The following ZNF574 variants were observed in gnomAD, a reference collection of about 807,000 sequenced individuals.
ZNF574 encodes the protein zinc finger protein 574.
Under a neutral mutation model 56.6 loss-of-function variants are expected in ZNF574, and 25 were observed. That is an observed-to-expected ratio of 0.44 (90% confidence interval 0.32 to 0.62). The LOEUF is 0.62. ZNF574 is among the 20% of genes least tolerant of loss of function. The pLI, the probability that ZNF574 is intolerant of heterozygous loss-of-function variation, is 0.04. For synonymous variants in ZNF574, 543 were observed against 492.1 expected, an observed-to-expected ratio of 1.10 and a Z score of -1.37; for missense variants, 1,065 against 1,218.9, an observed-to-expected ratio of 0.87 and a Z score of 1.88.
At chr19:42,076,852 T>G (rs1436924759) in intron 1 of ZNF574, among the ~76,000 whole-genome samples, 1 of 151,996 alleles carries the variant, frequency 6.6e-6, no homozygotes, top group African/African-American at 2.4e-5. Context: ...TTGTAATGGA[T>G]GGGGTTAAAT....
At position 42,079,697 on chromosome 19, in the gene ZNF574, TC is replaced by T; in HGVS notation, c.1093del (p.Leu365CysfsTer3). ...HLGDHSSESHFLCVDCGLAFG... is the reference protein window; with the variant it reads ...HLGDHSSESHXLCVDCGLAFG... The stretch of plus-strand genomic sequence containing the variant: ...GGAGACCATAGCAGCGAGTCACACT[TC>T]CTGTGTGTAGACTGTGGCCTGGCCT... On this transcript the variant is annotated frameshift_variant, in exon 2 of 2. Transcript: ENST00000359044. LOFTEE classifies it high-confidence loss of function. The surrounding 1 kb of genome is among the most constrained non-coding windows in gnomAD (Gnocchi z 4.3). The T allele has an allele frequency of 6.2e-7, 1 of 1,614,088 alleles. No homozygotes were observed. The highest frequency in any genetic ancestry group is 8.5e-7 in the Non-Finnish European group (1 of 1,180,022).
At position 42,080,396 on chromosome 19, in the gene ZNF574, A is replaced by G. The variant is rs754492215; in HGVS notation, c.1790A>G (p.His597Arg). Residue 597 changes from histidine (H) to arginine (R), a missense_variant, in exon 2 of 2, where the codon CAC becomes CGC. By Grantham distance (29) the His-to-Arg change is conservative. Transcript: ENST00000359044. The surrounding 1 kb of genome is among the most constrained non-coding windows in gnomAD (Gnocchi z 8.5). ...RFHRPYRLLM[H>R]RYHHTGEYPY... ...CACCGTCCTTACCGCCTGCTCATGC[A>G]CCGCTACCATCACACAGGTGAATAC... 6.2e-7 allele frequency: 1 copy of G among 1,614,186 alleles called. No individual in the cohort carries two copies. Among genetic ancestry groups the G allele is most frequent in the Non-Finnish European group, 8.5e-7 (1 of 1,180,024 alleles).
At chr19:42,076,965 G>C (rs2076460667) in intron 1 of ZNF574, among the ~76,000 whole-genome samples, 1 of 152,134 alleles carries the variant, frequency 6.6e-6, no homozygotes, top group Non-Finnish European at 1.5e-5. Context: ...ATTTTAAAAG[G>C]GTGTCTGGGT....
In ZNF574 at chr19:42,079,014, C is replaced by G; in HGVS notation, c.408C>G (p.Ala136=). The G allele has an allele frequency of 6.2e-7, 1 of 1,614,158 alleles. No individual in the cohort carries two copies. The highest frequency in any genetic ancestry group is 8.5e-7 in the Non-Finnish European group (1 of 1,180,016). Residue 136 remains alanine, a synonymous_variant, in exon 2 of 2, where the codon GCC becomes GCG. Coordinates refer to ENST00000359044, the MANE Select transcript of ZNF574 (RefSeq NM_022752.6). This position sits in a 1 kb window ranked among gnomAD's most constrained non-coding sequence, Gnocchi z 4.3. The part of the protein sequence containing the change: ...YECVDCKALF[A]SQELWLNHRQ... ...GTGTGGATTGCAAGGCTCTCTTTGCCAGCCAGGAGCTCTGGCTGAACCACC... is the reference window on the plus strand; with the variant it reads ...GTGTGGATTGCAAGGCTCTCTTTGCGAGCCAGGAGCTCTGGCTGAACCACC...
Position 42,078,829 on chromosome 19 carries a change from C to A in ZNF574, c.223C>A (p.Gln75Lys), listed in dbSNP as rs767951078. Residue 75 changes from glutamine to lysine, a missense_variant, in exon 2 of 2, where the codon CAG (glutamine) becomes AAG (lysine). Gln to Lys is a moderately conservative substitution (Grantham distance 53). Transcript: ENST00000359044. ...GLYQTLVQES[Q>K]YQCLECGQLL... Reference sequence around the variant, plus strand: ...CTATCAGACCCTTGTGCAGGAGAGCCAGTACCAGTGCCTGGAGTGTGGTCA... The same window carrying A: ...CTATCAGACCCTTGTGCAGGAGAGCAAGTACCAGTGCCTGGAGTGTGGTCA... The A allele has an allele frequency of 6.2e-7, 1 of 1,614,066 alleles. No homozygotes were observed. Among genetic ancestry groups the A allele is most frequent in the Non-Finnish European group, 8.5e-7 (1 of 1,179,972 alleles).
Position 42,080,668 on chromosome 19 carries a change from G to T in ZNF574, c.2062G>T (p.Ala688Ser). Reference protein sequence around the residue: ...SAARLQAHEAAHAAAGPGEVL... With the variant: ...SAARLQAHEASHAAAGPGEVL... ...TGCTCGACTGCAGGCACACGAGGCGGCCCATGCAGCTGCTGGGCCTGGAGA... is the reference window on the plus strand; with the variant it reads ...TGCTCGACTGCAGGCACACGAGGCGTCCCATGCAGCTGCTGGGCCTGGAGA... Residue 688 changes from alanine (A) to serine (S), a missense_variant, in exon 2 of 2, where the codon GCC becomes TCC. By Grantham distance (99) the Ala-to-Ser change is moderately conservative (BLOSUM62 1). Coordinates refer to ENST00000359044, the MANE Select transcript of ZNF574 (RefSeq NM_022752.6). This position sits in a 1 kb window ranked among gnomAD's most constrained non-coding sequence, Gnocchi z 8.5. The T allele has an allele frequency of 1.2e-6, 2 of 1,613,110 alleles. No homozygotes were observed. The highest frequency in any genetic ancestry group is 1.1e-5 in the South Asian group (1 of 91,072).
Position 42,080,264 on chromosome 19 carries a change from G to T in ZNF574, c.1658G>T (p.Cys553Phe). The T allele has an allele frequency of 6.2e-7, 1 of 1,614,144 alleles. No homozygotes were observed. The highest frequency in any genetic ancestry group is 1.3e-5 in the African/African-American group (1 of 75,044). The change falls in exon 2 of 2, where the codon TGT becomes TTT. Residue 553 changes from cysteine to phenylalanine, a missense_variant. Transcript: ENST00000359044. The surrounding 1 kb of genome is among the most constrained non-coding windows in gnomAD (Gnocchi z 8.5). ...LTHTGERPYR[C>F]GDCGKAFTQS... ...CACACAGGAGAGCGGCCCTACCGGTGTGGGGACTGTGGCAAGGCTTTCACG... is the reference window on the plus strand; with the variant it reads ...CACACAGGAGAGCGGCCCTACCGGTTTGGGGACTGTGGCAAGGCTTTCACG...
chr19:42,069,122 G>A (rs896776494), intron 1 of ZNF574: 16 of 423,036 alleles, frequency 3.8e-5, no homozygotes, highest in Non-Finnish European at 5.8e-5. Context: ...CCCTAGTGGG[G>A]GAGGGTACTT....
At chr19:42,068,591 G>A in exon 1 of ZNF574, 1 of 414,188 alleles carries the variant, frequency 2.4e-6, no homozygotes, top group Non-Finnish European at 4.3e-6. Flanking sequence ...AGAGGGAGGA[G>A]GACAGGTGAG....
upstream of ZNF574, among the ~76,000 whole-genome samples, chr19:42,071,444 A>G (rs2146205799): frequency 6.6e-6 from 1 of 152,262 alleles, no homozygotes; most frequent in Admixed American, 6.5e-5. Flanking sequence ...TGCCTCGAAC[A>G]CACAGCTGGC....
At chr19:42,069,204 C>T (rs2146200910) in intron 1 of ZNF574, 1 of 347,050 alleles carries the variant, frequency 2.9e-6, no homozygotes, top group African/African-American at 2.1e-5. Context: ...TTCCAGGACC[C>T]AGAACCCAGC....
At chr19:42,071,226 G>A (rs1455201344), upstream of ZNF574, among the ~76,000 whole-genome samples, 1 of 148,922 alleles carries the variant, frequency 6.7e-6, no homozygotes, top group Non-Finnish European at 1.5e-5. Context: ...AAGGAGCTGA[G>A]CAGGACAGGG....
chr19:42,077,335 T>TG (rs2076463052), intron 1 of ZNF574, among the ~76,000 whole-genome samples: 1 of 152,030 alleles, frequency 6.6e-6, no homozygotes, highest in South Asian at 2.1e-4. Context: ...TTGTGAAAGA[T>TG]GGGTGTGTGG....
At chr19:42,073,993 A>T (rs767782359), upstream of ZNF574, among the ~76,000 whole-genome samples, 1 of 151,014 alleles carries the variant, frequency 6.6e-6, no homozygotes, top group Non-Finnish European at 1.5e-5. Context: ...ATTAGCCGAG[A>T]GTGGTGGTGT....
chr19:42,074,500 T>C (rs146702453), upstream of ZNF574, among the ~76,000 whole-genome samples: 566 of 147,766 alleles, frequency 3.8e-3, 2 homozygotes, highest in South Asian at 0.015. Context: ...TAAAATAAAA[T>C]AAAAATAAAA....
chr19:42,081,232 C>T lies in ZNF574; in HGVS notation c.2626C>T (p.Pro876Ser), dbSNP rs1320506474. The T allele has an allele frequency of 3.1e-6, 5 of 1,612,920 alleles. No individual in the cohort carries two copies. The South Asian group carries it at 4.4e-5, about 14-fold the overall frequency. The change falls in exon 2 of 2, where the codon CCC becomes TCC. Residue 876 changes from proline (P) to serine (S), a missense_variant. Physicochemically the swap from Pro to Ser is moderately conservative, Grantham distance 74 (BLOSUM62 -1). Transcript: ENST00000359044. ...AVMETAVEAL[P>S]LVEAIEIYPL... Reference sequence around the variant, plus strand: ...CATGGAGACTGCTGTGGAGGCGCTACCCCTGGTGGAAGCCATTGAGATCTA... The same window carrying T: ...CATGGAGACTGCTGTGGAGGCGCTATCCCTGGTGGAAGCCATTGAGATCTA...
rs2146221785 is a variant in ZNF574 at position 42,081,413 on chromosome 19, A to G, written c.*116A>G. On this transcript the variant is annotated 3_prime_UTR_variant, in exon 2 of 2. Transcript: ENST00000359044. ...CCTCTTCCCATCCCCACCACCTTGT[A>G]AGTTCTAAATTGGATTTATTCTCTC... is the stretch of plus-strand genomic sequence containing the variant. 7.3e-7 allele frequency: 1 copy of G among 1,371,224 alleles called. No homozygotes were observed. Among genetic ancestry groups the G allele is most frequent in the Non-Finnish European group, 1.0e-6 (1 of 972,302 alleles). 84.9% of individuals were successfully genotyped at this position (1,371,224 alleles called of 1,614,324 possible).
rs2076483204 is a variant in ZNF574 at position 42,079,731 on chromosome 19, A to G, written c.1125A>G (p.Thr375=). Residue 375 remains threonine, a synonymous_variant, in exon 2 of 2, where the codon ACA becomes ACG. Coordinates refer to ENST00000359044, the MANE Select transcript of ZNF574 (RefSeq NM_022752.6). The surrounding 1 kb of genome is among the most constrained non-coding windows in gnomAD (Gnocchi z 4.3). ...LCVDCGLAFG[T]EALLLAHRRA... is the part of the protein sequence containing the mutation. ...TAGACTGTGGCCTGGCCTTCGGCACAGAGGCCCTCCTCCTGGCCCACCGGC... is the reference window on the plus strand; with the variant it reads ...TAGACTGTGGCCTGGCCTTCGGCACGGAGGCCCTCCTCCTGGCCCACCGGC... 6.2e-7 allele frequency: 1 copy of G among 1,613,984 alleles called. No homozygotes were observed. The highest frequency in any genetic ancestry group is 8.5e-7 in the Non-Finnish European group (1 of 1,180,028).
In ZNF574 at chr19:42,081,524, A is replaced by C; in HGVS notation, c.*227A>C. The C allele has an allele frequency of 1.6e-6, 1 of 608,006 alleles. No individual in the cohort carries two copies. The highest frequency in any genetic ancestry group is 3.0e-6 in the Non-Finnish European group (1 of 333,536). The allele number at this position is 608,006 out of a possible 1,614,324, so 37.7% of individuals were successfully genotyped here. A position where few individuals can be genotyped will look rare whatever the true frequency, so the allele number is the denominator to read the frequency against. ...TTAGCACTGGTGACCCCAAAAATGA[A>C]ACCATCAATAAAGACTGAGTTGCCA... On this transcript the variant is annotated 3_prime_UTR_variant, in exon 2 of 2. Transcript: ENST00000359044.
Sources: gnomAD v4.1 joint callset for allele counts (sites outside exome capture counted in the v4.1 genomes callset) on GRCh38, gnomAD v4.1.1 for gene constraint, Gnocchi (gnomAD v3.1) non-coding constraint, MANE v1.5 for transcripts, NCBI Gene and HGNC (gene_info 2026-07-23, HGNC 2026-07-21) for gene names.